PAPSS2: variants seen among roughly 807,000 people sequenced by gnomAD.
The protein encoded by PAPSS2 is bifunctional 3'-phosphoadenosine 5'-phosphosulfate synthase 2.
PAPSS2 carries 61 observed loss-of-function variants against 66.5 expected under a neutral mutation model. The ratio of observed to expected loss-of-function variants is 0.92; its 90% CI spans 0.75 to 1.14. PAPSS2 has a LOEUF of 1.14. PAPSS2 is among the 50% of genes most tolerant of loss of function. The probability of loss-of-function intolerance (pLI) is 0.00; values close to 1 mark genes in which losing one functional copy is unlikely to be tolerated. For synonymous variants in PAPSS2, 289 were observed against 287.5 expected (o/e 1.01, Z -0.05); for missense variants, 708 against 789.6 (o/e 0.90, Z 1.24).
intron 1 of PAPSS2, among the ~76,000 whole-genome samples, chr10:87,665,684 G>T (rs1017131074): frequency 3.3e-5 from 5 of 152,124 alleles, no homozygotes; most frequent in Non-Finnish European, 7.3e-5. Context: ...GGTTTATTCT[G>T]GTTCACCCTT....
chr10:87,714,047 C>T lies in PAPSS2; in HGVS notation c.385C>T (p.Arg129Cys), dbSNP rs1488069382. The T allele has an allele frequency of 3.1e-6, 5 of 1,613,580 alleles. No homozygotes were observed. The highest frequency in any genetic ancestry group is 4.2e-6 in the Non-Finnish European group (5 of 1,179,694). The stretch of plus-strand genomic sequence containing the variant: ...TCTTAATCATATTGCTTTTCAGGAT[C>T]GTGAGAATGCCCGCAAAATACATGA... ...TSFISPFAKD[R>C]ENARKIHESA... is the part of the protein sequence containing the mutation. The change falls in exon 4 of 13, where the codon CGT becomes TGT. Residue 129 changes from arginine to cysteine, a missense_variant. Transcript: ENST00000456849.
At chr10:87,674,716 T>C (rs927406691) in intron 1 of PAPSS2, among the ~76,000 whole-genome samples, 1 of 152,226 alleles carries the variant, frequency 6.6e-6, no homozygotes, top group African/African-American at 2.4e-5. Flanking sequence ...ATTATAACTG[T>C]CTACCTAGAC....
intron 1 of PAPSS2, among the ~76,000 whole-genome samples, chr10:87,700,272 T>G (rs1454180502): frequency 1.3e-5 from 2 of 152,192 alleles, no homozygotes; most frequent in Admixed American, 1.3e-4. Flanking sequence ...AAAATTATAG[T>G]GAGTCATTTT....
Position 87,659,901 on chromosome 10 carries a change from CTG to C in PAPSS2, c.-80_-79del, listed in dbSNP as rs1852725304. 6.9e-7 allele frequency: 1 copy of C among 1,446,094 alleles called. No individual in the cohort carries two copies. The highest frequency in any genetic ancestry group is 2.3e-5 in the East Asian group (1 of 43,232). The allele number at this position is 1,446,094 out of a possible 1,614,324, so 89.6% of individuals were successfully genotyped here. A position where few individuals can be genotyped will look rare whatever the true frequency, so the allele number is the denominator to read the frequency against. On this transcript the variant is annotated 5_prime_UTR_variant, in exon 1 of 13. Transcript: ENST00000456849. ...GCAGCCGCTGCTGCTGCTGCTGCTG[CTG>C]CTGCCGCCGCCGCCGCCGCCGTCCC...
chr10:87,723,832 A>G (rs1031139837), intron 8 of PAPSS2, among the ~76,000 whole-genome samples: 71 of 152,326 alleles, frequency 4.7e-4, no homozygotes, highest in African/African-American at 1.6e-3. Flanking sequence ...ACTCTGTCAG[A>G]GGCCTTCTAA....
chr10:87,666,075 C>A (rs964630546), intron 1 of PAPSS2, among the ~76,000 whole-genome samples: 18 of 151,570 alleles, frequency 1.2e-4, no homozygotes, highest in African/African-American at 4.4e-4. Flanking sequence ...GCGATTCTCA[C>A]GCCTCGGCCT....
chr10:87,685,047 C>T lies in PAPSS2; in HGVS notation c.28-24149C>T, dbSNP rs1652103407. On this transcript the variant is annotated intron_variant, in intron 1 of 12. Transcript: ENST00000456849. ...GGGACTAAAGCTTGGCTCTCAGATC[C>T]AGTTTTCTGAGCTTAGGGTAGGGCT... Among the ~76,000 whole-genome samples, 3 of 152,156 alleles carry T rather than the reference C, an allele frequency of 2.0e-5. 1 individual carries two copies. The South Asian group carries it at 6.2e-4, about 32-fold the overall frequency.
At chr10:87,716,584 A>G (rs1445797712) in intron 7 of PAPSS2, among the ~76,000 whole-genome samples, 1 of 152,188 alleles carries the variant, frequency 6.6e-6, no homozygotes, top group Non-Finnish European at 1.5e-5. Context: ...CTGAATTTGT[A>G]ATGCTGAGCA....
intron 1 of PAPSS2, among the ~76,000 whole-genome samples, chr10:87,700,857 A>G (rs1344005125): frequency 1.7e-4 from 26 of 151,914 alleles, no homozygotes; most frequent in Admixed American, 1.6e-3. Flanking sequence ...TATATTTGAG[A>G]TTGCTGGATG....
chr10:87,713,861 TG>T (rs1853499201), intron 3 of PAPSS2, among the ~76,000 whole-genome samples, 182 bp from the exon 4 acceptor site: 1 of 152,156 alleles, frequency 6.6e-6, no homozygotes, highest in African/African-American at 2.4e-5. Flanking sequence ...TGATTTTCTG[TG>T]AAAGTCCTTG....
intron 1 of PAPSS2, among the ~76,000 whole-genome samples, chr10:87,676,084 A>G (rs1014234610): frequency 6.7e-4 from 97 of 144,854 alleles, no homozygotes; most frequent in Non-Finnish European, 1.2e-3. Flanking sequence ...TGAGGAATGT[A>G]GCTGGAACGT....
At chr10:87,701,301 TTCC>T (rs1313712987) in intron 1 of PAPSS2, among the ~76,000 whole-genome samples, 2 of 79,554 alleles carry the variant, frequency 2.5e-5, no homozygotes, top group Admixed American at 1.4e-4. Context: ...TCTTTCTTTT[TTCC>T]TTCCTTCCTT....
At chr10:87,678,851 C>T (rs941202146) in intron 1 of PAPSS2, among the ~76,000 whole-genome samples, 1 of 152,092 alleles carries the variant, frequency 6.6e-6, no homozygotes, top group Non-Finnish European at 1.5e-5. Flanking sequence ...TTAGTAAAGC[C>T]ACTGTGGAAA....
At chr10:87,707,511 C>G in intron 1 of PAPSS2, among the ~76,000 whole-genome samples, 1 of 151,066 alleles carries the variant, frequency 6.6e-6, no homozygotes, top group South Asian at 2.1e-4. Flanking sequence ...TCTATTTTCC[C>G]GAAGTTTCTA....
At chr10:87,741,749 A>C (rs1853873314) in intron 10 of PAPSS2, among the ~76,000 whole-genome samples, 1 of 147,876 alleles carries the variant, frequency 6.8e-6, no homozygotes, top group Non-Finnish European at 1.5e-5. Context: ...AATTAAGGAT[A>C]CCAGGAGTCA....
chr10:87,704,684 C>T (rs1263453354), intron 1 of PAPSS2, among the ~76,000 whole-genome samples: 1 of 152,126 alleles, frequency 6.6e-6, no homozygotes. Context: ...CTCTTTTGCC[C>T]AGGATGGAGT....
intron 1 of PAPSS2, among the ~76,000 whole-genome samples, chr10:87,669,708 G>A (rs1852853854): frequency 6.6e-6 from 1 of 152,210 alleles, no homozygotes; most frequent in African/African-American, 2.4e-5. Flanking sequence ...GCACTGACCT[G>A]TAGGTTAACT....
At chr10:87,669,661 A>G (rs951796132) in intron 1 of PAPSS2, among the ~76,000 whole-genome samples, 1 of 152,046 alleles carries the variant, frequency 6.6e-6, no homozygotes, top group Non-Finnish European at 1.5e-5. Context: ...GAAAATTCCT[A>G]CTCTGTTGTA....
intron 7 of PAPSS2, among the ~76,000 whole-genome samples, chr10:87,719,208 G>T (rs746056052): frequency 6.6e-6 from 1 of 152,202 alleles, no homozygotes; most frequent in Non-Finnish European, 1.5e-5. Flanking sequence ...TTGGGTCTAA[G>T]TAGAGGCAGA....
Sources: gnomAD v4.1 joint callset for allele counts (sites outside exome capture counted in the v4.1 genomes callset) on GRCh38, gnomAD v4.1.1 for gene constraint, MANE v1.5 for transcripts, NCBI Gene and HGNC (gene_info 2026-07-23, HGNC 2026-07-21) for gene names.